The following LDLRAD3 variants were observed in gnomAD, a reference collection of about 807,000 sequenced individuals.
The protein encoded by LDLRAD3 is low-density lipoprotein receptor class A domain-containing protein 3.
LDLRAD3 carries 20 observed loss-of-function variants against 29.4 expected under a neutral mutation model. The ratio of observed to expected loss-of-function variants is 0.68; its 90% confidence interval spans 0.48 to 0.99. The LOEUF is 0.99. Among genes scored for constraint, LDLRAD3 ranks in the 50% least tolerant of loss-of-function variants. The probability of loss-of-function intolerance (pLI) is 0.00; values close to 1 mark genes in which losing one functional copy is unlikely to be tolerated. For missense variants in LDLRAD3, 420 were observed against 454.3 expected (o/e 0.92, Z 0.69); for synonymous variants, 157 against 192.7 (o/e 0.81, Z 1.53).
chr11:36,125,618 C>T (rs1462791374), intron 4 of LDLRAD3, among the ~76,000 whole-genome samples: 1 of 152,180 alleles, frequency 6.6e-6, no homozygotes, highest in East Asian at 1.9e-4. Context: ...TGTGAGACTG[C>T]TCCATCTGAG....
intron 1 of LDLRAD3, among the ~76,000 whole-genome samples, chr11:35,990,590 T>A (rs1158915251): frequency 1.3e-5 from 2 of 151,970 alleles, no homozygotes; most frequent in Middle Eastern, 3.2e-3. Flanking sequence ...TGTATTTTTT[T>A]TTTTTAGTAG....
chr11:35,988,305 C>T (rs1273592555), intron 1 of LDLRAD3, among the ~76,000 whole-genome samples: 1 of 152,116 alleles, frequency 6.6e-6, no homozygotes, highest in Admixed American at 6.6e-5. Flanking sequence ...AGTGATTCTC[C>T]CACCTCAACC....
At chr11:36,196,348 T>C (rs1855033041) in intron 4 of LDLRAD3, 1 of 152,192 alleles carries the variant, frequency 6.6e-6, no homozygotes, top group African/African-American at 2.4e-5. Context: ...AAGTCACGCT[T>C]TTGCATTCCG....
Position 35,944,426 on chromosome 11 carries a change from G to T in LDLRAD3, c.46+282G>T, listed in dbSNP as rs1036729764. Among the ~76,000 whole-genome samples the T allele has an allele frequency of 2.6e-5, 4 of 152,214 alleles. No homozygotes were observed. Among genetic ancestry groups the T allele is most frequent in the African/African-American group, 7.2e-5 (3 of 41,576 alleles). On this transcript the variant is annotated intron_variant, in intron 1 of 5. Transcript: ENST00000315571. This position sits in a 1 kb window ranked among gnomAD's most constrained non-coding sequence, Gnocchi z 4.9. ...TCCGGGTCTGGGGAGCCCGGCGGCT[G>T]CCCCGATTGGGCGTAGCTCGAGTGT...
chr11:36,207,988 G>A (rs983921025), intron 4 of LDLRAD3, among the ~76,000 whole-genome samples: 4 of 152,050 alleles, frequency 2.6e-5, no homozygotes, highest in Admixed American at 2.6e-4. Flanking sequence ...ATAGATCCTG[G>A]TTATAAATAA....
chr11:36,124,114 C>T (rs1176465885), intron 4 of LDLRAD3, among the ~76,000 whole-genome samples: 4 of 152,230 alleles, frequency 2.6e-5, no homozygotes, highest in Non-Finnish European at 4.4e-5. Context: ...CAACAGCTGG[C>T]AGAGAAGCTG....
chr11:36,074,919 G>A (rs1225229773), intron 2 of LDLRAD3, among the ~76,000 whole-genome samples: 2 of 152,148 alleles, frequency 1.3e-5, no homozygotes, highest in Non-Finnish European at 2.9e-5. Flanking sequence ...AAGCATTAAC[G>A]CAGCAGGCCT....
intron 2 of LDLRAD3, among the ~76,000 whole-genome samples, chr11:36,064,197 T>A (rs1054632253): frequency 6.6e-6 from 1 of 152,238 alleles, no homozygotes; most frequent in African/African-American, 2.4e-5. Context: ...TTTCATAATT[T>A]CATTTTTGGA....
chr11:36,207,931 C>T (rs965589961), intron 4 of LDLRAD3, among the ~76,000 whole-genome samples: 4 of 152,062 alleles, frequency 2.6e-5, no homozygotes, highest in Admixed American at 6.6e-5. Flanking sequence ...AGCCCACCTA[C>T]GAGGATTTTT....
At chr11:36,161,015 G>C (rs935479703) in intron 4 of LDLRAD3, among the ~76,000 whole-genome samples, 3 of 152,122 alleles carry the variant, frequency 2.0e-5, no homozygotes, top group Admixed American at 6.5e-5. Flanking sequence ...GGCTGGTCTT[G>C]AACGCCTGAC....
intron 1 of LDLRAD3, among the ~76,000 whole-genome samples, chr11:36,023,389 G>T (rs1259534424): frequency 6.6e-6 from 1 of 152,178 alleles, no homozygotes; most frequent in African/African-American, 2.4e-5. Flanking sequence ...TAGCTGAGTA[G>T]AGAAGGTCAG....
chr11:36,173,963 A>G (rs1854635200), intron 4 of LDLRAD3, among the ~76,000 whole-genome samples: 1 of 152,220 alleles, frequency 6.6e-6, no homozygotes, highest in African/African-American at 2.4e-5. Flanking sequence ...ACTTCAAACT[A>G]CACTACAAGG....
chr11:36,091,739 C>T (rs1425951962), intron 3 of LDLRAD3, among the ~76,000 whole-genome samples: 1 of 152,152 alleles, frequency 6.6e-6, no homozygotes, highest in Non-Finnish European at 1.5e-5. Flanking sequence ...GACTGGTAAG[C>T]CACAACGAGG....
chr11:36,210,769 G>T (rs548129076), intron 4 of LDLRAD3, among the ~76,000 whole-genome samples: 1 of 152,354 alleles, frequency 6.6e-6, no homozygotes, highest in African/African-American at 2.4e-5. Context: ...AGAACAGATA[G>T]ATTTTTAACT....
intron 4 of LDLRAD3, among the ~76,000 whole-genome samples, chr11:36,189,052 A>G (rs895131641): frequency 6.6e-6 from 1 of 151,924 alleles, no homozygotes; most frequent in Admixed American, 6.6e-5. Context: ...GAAATTGTAC[A>G]ATTTGGGTTT....
At chr11:36,210,858 A>G (rs899080406) in intron 4 of LDLRAD3, among the ~76,000 whole-genome samples, 12 of 152,224 alleles carry the variant, frequency 7.9e-5, no homozygotes, top group Non-Finnish European at 1.5e-4. Flanking sequence ...ACTTCTACAG[A>G]TAACAAAAAG....
intron 1 of LDLRAD3, among the ~76,000 whole-genome samples, chr11:35,988,415 G>A (rs923903799): frequency 6.6e-6 from 1 of 152,058 alleles, no homozygotes; most frequent in African/African-American, 2.4e-5. Flanking sequence ...TTTTAATGAG[G>A]TTATTTGATT....
intron 1 of LDLRAD3, among the ~76,000 whole-genome samples, chr11:35,969,173 G>A (rs911921637): frequency 1.3e-5 from 2 of 152,124 alleles, no homozygotes; most frequent in African/African-American, 2.4e-5. Context: ...CTGTCTTCTC[G>A]GTCGAGGTCC....
chr11:36,056,285 A>G (rs12417312), intron 2 of LDLRAD3, among the ~76,000 whole-genome samples: 12,351 of 152,104 alleles, frequency 0.081, 819 homozygotes, highest in African/African-American at 0.16. Context: ...GAGCCACCGC[A>G]CCTGGCTGAC....
Sources: gnomAD v4.1 joint callset for allele counts (sites outside exome capture counted in the v4.1 genomes callset) on GRCh38, gnomAD v4.1.1 for gene constraint, Gnocchi (gnomAD v3.1) non-coding constraint, MANE v1.5 for transcripts, NCBI Gene and HGNC (gene_info 2026-07-23, HGNC 2026-07-21) for gene names.